The following FRMPD4 variants were observed in gnomAD, a reference collection of about 807,000 sequenced individuals.
FRMPD4 encodes the protein FERM and PDZ domain containing 4.
In FRMPD4, 22 loss-of-function variants were observed where a neutral mutation model predicts 94.1. The observed-to-expected ratio is 0.23, with a 90% CI of 0.17 to 0.33. FRMPD4 has a LOEUF of 0.33. Ranked by LOEUF, FRMPD4 falls within the 10% of genes least tolerant of loss-of-function variation. The pLI, the probability that FRMPD4 is intolerant of heterozygous loss-of-function variation, is 1.00. For synonymous variants in FRMPD4, 631 were observed against 548.6 expected (o/e 1.15, Z -2.10); for missense variants, 1,111 against 1,339.9 (o/e 0.83, Z 2.67).
chrX:12,194,796 T>C (rs2147704195), intron 1 of FRMPD4, among the ~76,000 whole-genome samples: 1 of 111,838 alleles, frequency 8.9e-6, no homozygotes, highest in East Asian at 2.8e-4. Flanking sequence ...ACTTCTCTAT[T>C]CCTAGCTGAT....
intron 3 of FRMPD4, among the ~76,000 whole-genome samples, chrX:12,098,004 C>T (rs1569158022): frequency 8.9e-6 from 1 of 111,843 alleles, no homozygotes; most frequent in Admixed American, 9.5e-5. Context: ...ACCTATTTTC[C>T]AAAGTGGCTG....
intron 1 of FRMPD4, among the ~76,000 whole-genome samples, chrX:11,856,016 A>G (rs774672724): frequency 1.1e-4 from 12 of 112,171 alleles, no homozygotes; most frequent in Non-Finnish European, 2.1e-4. Context: ...TTGACTTACA[A>G]TTCCACACAG....
chrX:12,313,156 C>T (rs1489531917), intron 1 of FRMPD4, among the ~76,000 whole-genome samples: 1 of 112,157 alleles, frequency 8.9e-6, no homozygotes, highest in Non-Finnish European at 1.9e-5. Context: ...CTGGGAGCCA[C>T]GGAGGGACAA....
chrX:12,724,156 G>A lies in FRMPD4; in HGVS notation c.*2298G>A, dbSNP rs758361000. On this transcript the variant is annotated 3_prime_UTR_variant, in exon 17 of 17. Coordinates refer to ENST00000675598, the MANE Select transcript of FRMPD4 (RefSeq NM_001368397.1). ...ATGTAAAAGAAGTGTACAAGGAAGTGGCCATCCTTGTTCAAGTTACGTATC... is the reference window on the plus strand; with the variant it reads ...ATGTAAAAGAAGTGTACAAGGAAGTAGCCATCCTTGTTCAAGTTACGTATC... 1.8e-5 allele frequency: 2 copies of A among 111,778 alleles called. No individual in the cohort carries two copies. Among genetic ancestry groups the A allele is most frequent in the African/African-American group, 3.2e-5 (1 of 30,794 alleles). 9.2% of individuals were successfully genotyped at this position (111,778 alleles called of 1,213,427 possible).
intron 1 of FRMPD4, among the ~76,000 whole-genome samples, chrX:12,495,411 T>C (rs1187065451): frequency 8.9e-6 from 1 of 112,021 alleles, no homozygotes; most frequent in African/African-American, 3.2e-5. Context: ...GTTAGGGAGA[T>C]GAAGTAACTT....
chrX:12,168,631 T>TC (rs1463486540), intron 1 of FRMPD4, among the ~76,000 whole-genome samples: 8 of 94,834 alleles, frequency 8.4e-5, no homozygotes, highest in Non-Finnish European at 1.7e-4. Context: ...CCTTTTTTTT[T>TC]TTTTTTTTTT....
intron 2 of FRMPD4, among the ~76,000 whole-genome samples, chrX:12,544,935 T>C (rs757973869): frequency 2.7e-5 from 3 of 112,267 alleles, no homozygotes; most frequent in Non-Finnish European, 5.6e-5. Context: ...AGATTCTGCA[T>C]ACTTTTGTTT....
intron 3 of FRMPD4, among the ~76,000 whole-genome samples, chrX:12,132,276 A>C (rs2055559428): frequency 9.1e-6 from 1 of 110,466 alleles, no homozygotes; most frequent in Non-Finnish European, 1.9e-5. Context: ...TGGATTTTGG[A>C]GCTAAGCAAC....
chrX:12,353,940 A>G (rs914313316), intron 1 of FRMPD4, among the ~76,000 whole-genome samples: 2 of 111,997 alleles, frequency 1.8e-5, no homozygotes, highest in Non-Finnish European at 3.8e-5. Context: ...GAAAGACACG[A>G]CTACTGTATT....
Position 12,138,794 on chromosome X carries a change from G to A in FRMPD4, c.-178G>A, listed in dbSNP as rs1052782637. On this transcript the variant is annotated 5_prime_UTR_variant, in exon 1 of 17. Coordinates refer to ENST00000675598, the MANE Select transcript of FRMPD4 (RefSeq NM_001368397.1). The stretch of plus-strand genomic sequence containing the variant: ...TGCACACGCAGCTCGCGGCCGGAGG[G>A]GGGTAGCAGCCGCCGCCTCCAGGTG... The A allele has an allele frequency of 6.9e-5, 25 of 362,922 alleles. No homozygotes were observed. Among genetic ancestry groups the A allele is most frequent in the South Asian group, 2.9e-4 (4 of 13,622 alleles). 29.9% of individuals were successfully genotyped at this position (362,922 alleles called of 1,213,427 possible). A position where few individuals can be genotyped will look rare whatever the true frequency, so the allele number is the denominator to read the frequency against.
intron 3 of FRMPD4, among the ~76,000 whole-genome samples, chrX:12,070,350 C>A (rs2054956448): frequency 9.0e-6 from 1 of 111,065 alleles, no homozygotes; most frequent in Non-Finnish European, 1.9e-5. Flanking sequence ...TGATTTTGAT[C>A]CAAAAATTTA....
At chrX:12,346,109 C>T (rs1385841936) in intron 1 of FRMPD4, among the ~76,000 whole-genome samples, 2 of 106,881 alleles carry the variant, frequency 1.9e-5, no homozygotes, top group Admixed American at 1.0e-4. Flanking sequence ...TCTTAAACTA[C>T]CCAAAAGTTT....
intron 1 of FRMPD4, among the ~76,000 whole-genome samples, chrX:12,160,119 G>A (rs978663121): frequency 1.8e-5 from 2 of 110,161 alleles, no homozygotes; most frequent in Non-Finnish European, 3.8e-5. Context: ...GTGTGCGTGC[G>A]TGTATTCCTA....
At chrX:12,446,855 G>A (rs761044975) in intron 1 of FRMPD4, among the ~76,000 whole-genome samples, 1 of 111,919 alleles carries the variant, frequency 8.9e-6, no homozygotes, top group East Asian at 2.8e-4. Context: ...TGGGGCATTT[G>A]GAAATGGCTA....
chrX:12,186,545 C>T (rs2147681852), intron 1 of FRMPD4, among the ~76,000 whole-genome samples: 1 of 111,359 alleles, frequency 9.0e-6, no homozygotes, highest in East Asian at 2.8e-4. Context: ...ATGACGACAA[C>T]ATCAATATAT....
At chrX:12,248,307 G>A (rs1222088324) in intron 1 of FRMPD4, among the ~76,000 whole-genome samples, 1 of 112,039 alleles carries the variant, frequency 8.9e-6, no homozygotes, top group Non-Finnish European at 1.9e-5. Context: ...TCATTCTCTT[G>A]TCTCACTCTT....
chrX:11,987,497 C>A (rs1181395343), intron 3 of FRMPD4, among the ~76,000 whole-genome samples: 1 of 111,301 alleles, frequency 9.0e-6, no homozygotes, highest in African/African-American at 3.3e-5. Flanking sequence ...GCCCTTTTCT[C>A]TAAGATCTGG....
chrX:12,595,117 T>C (rs1412396802), intron 2 of FRMPD4, among the ~76,000 whole-genome samples: 1 of 112,090 alleles, frequency 8.9e-6, no homozygotes, highest in Non-Finnish European at 1.9e-5. Context: ...CAGTGCCTGA[T>C]TAAACAAATC....
At chrX:12,367,461 A>G (rs908644189) in intron 1 of FRMPD4, among the ~76,000 whole-genome samples, 2 of 112,505 alleles carry the variant, frequency 1.8e-5, no homozygotes, top group Non-Finnish European at 1.9e-5. Context: ...GCAATGAACC[A>G]TCCTTAGTGG....
Sources: allele counts gnomAD v4.1 joint callset (sites outside exome capture counted in the v4.1 genomes callset), GRCh38; gene constraint gnomAD v4.1.1; transcripts MANE v1.5; gene names NCBI Gene and HGNC (gene_info 2026-07-23, HGNC 2026-07-21).